The following PLS1 variants were observed in gnomAD, a reference collection of about 807,000 sequenced individuals.
PLS1 encodes the protein plastin-1.
Under a neutral mutation model 73.7 loss-of-function variants are expected in PLS1, and 32 were observed. The ratio of observed to expected loss-of-function variants is 0.43; its 90% CI spans 0.33 to 0.58. PLS1 has a LOEUF of 0.58. PLS1 is among the 20% of genes least tolerant of loss of function. PLS1 has a pLI of 0.04. For missense variants in PLS1, 633 were observed against 740.5 expected (o/e 0.85, Z 1.68); for synonymous variants, 217 against 261.3 (o/e 0.83, Z 1.63).
intron 14 of PLS1, among the ~76,000 whole-genome samples, chr3:142,711,113 C>T (rs964716733): frequency 2.0e-5 from 3 of 152,060 alleles, no homozygotes; most frequent in Admixed American, 2.0e-4. Context: ...ATTTTTCTTT[C>T]TGAAAAATAT....
At chr3:142,603,769 CAA>C (rs5853074) in intron 1 of PLS1, among the ~76,000 whole-genome samples, 30,837 of 140,376 alleles carry the variant, frequency 0.22, 3,905 homozygotes, top group African/African-American at 0.38. Flanking sequence ...AACCCTGCCT[CAA>C]AAAAAAAAAA....
At chr3:142,604,277 C>G (rs1174939161) in intron 1 of PLS1, among the ~76,000 whole-genome samples, 2 of 152,134 alleles carry the variant, frequency 1.3e-5, no homozygotes, top group African/African-American at 4.8e-5. Flanking sequence ...AGTAGAATCT[C>G]TAGGTTGATA....
intron 1 of PLS1, among the ~76,000 whole-genome samples, chr3:142,637,898 C>T (rs1172404171): frequency 6.6e-6 from 1 of 151,728 alleles, no homozygotes; most frequent in Non-Finnish European, 1.5e-5. Context: ...TTTAGAGCTG[C>T]TTTAATGGCC....
Position 142,669,484 on chromosome 3 carries a change from T to C in PLS1, c.165T>C (p.Ile55=), listed in dbSNP as rs200069650. 493 of 1,613,626 alleles carry C rather than the reference T, an allele frequency of 3.1e-4. 1 individual carries two copies. The highest frequency in any genetic ancestry group is 1.5e-3 in the Middle Eastern group (9 of 6,062). ...TGCCTGGCTACAAGGTGCGCGAGAT[T>C]GTGGAGAAAATTCTATCAGTTGCTG... ...LPLPGYKVRE[I]VEKILSVADS... Residue 55 remains isoleucine (I), a synonymous_variant, in exon 3 of 16, where the codon ATT becomes ATC. Transcript: ENST00000457734.
At chr3:142,680,788 A>T (rs116531040) in intron 6 of PLS1, among the ~76,000 whole-genome samples, 157 of 152,306 alleles carry the variant, frequency 1.0e-3, no homozygotes, top group South Asian at 7.7e-3. Flanking sequence ...ATAATAAGGT[A>T]TATACTATGA....
intron 1 of PLS1, among the ~76,000 whole-genome samples, chr3:142,638,297 G>T (rs1448430127): frequency 6.6e-6 from 1 of 152,182 alleles, no homozygotes; most frequent in East Asian, 1.9e-4. Flanking sequence ...TGCACAGCTG[G>T]TAAGATGTAA....
intron 12 of PLS1, among the ~76,000 whole-genome samples, chr3:142,700,235 T>C (rs1372675770): frequency 6.6e-6 from 1 of 152,134 alleles, no homozygotes; most frequent in Admixed American, 6.6e-5. Context: ...CAATAATCAA[T>C]ACATGTCACT....
At chr3:142,676,656 T>C (rs2037732612) in intron 5 of PLS1, among the ~76,000 whole-genome samples, 1 of 152,210 alleles carries the variant, frequency 6.6e-6, no homozygotes, top group African/African-American at 2.4e-5. Context: ...AAAGGGAAGA[T>C]ATTCCTTATT....
rs140962182 is a variant in PLS1, at chr3:142,630,938, AACAC to A, written c.-36-33232_-36-33229del. On this transcript the variant is annotated intron_variant, in intron 1 of 15. Transcript: ENST00000457734. ...GAACAGAATAGAGAGCATGTAAATA[AACAC>A]ACACACACACACACACACACACACA... 4.0e-3 allele frequency among the ~76,000 whole-genome samples: 555 copies of A among 137,436 alleles called. 2 individuals are homozygous for A. The highest frequency in any genetic ancestry group is 0.013 in the African/African-American group (435 of 33,844). 90.2% of individuals were successfully genotyped at this position (137,436 alleles called of 152,430 possible).
intron 1 of PLS1, among the ~76,000 whole-genome samples, chr3:142,642,986 G>T (rs2036872929): frequency 6.6e-6 from 1 of 152,270 alleles, no homozygotes; most frequent in East Asian, 1.9e-4. Flanking sequence ...AGGATTATAG[G>T]CATGAGCCTG....
chr3:142,709,011 T>C (rs754760595), intron 14 of PLS1, among the ~76,000 whole-genome samples: 3 of 152,196 alleles, frequency 2.0e-5, no homozygotes, highest in Non-Finnish European at 2.9e-5. Context: ...AACACAAATA[T>C]GTAAATAAGG....
chr3:142,643,277 T>C (rs1220220455), intron 1 of PLS1, among the ~76,000 whole-genome samples: 1 of 152,194 alleles, frequency 6.6e-6, no homozygotes, highest in Non-Finnish European at 1.5e-5. Flanking sequence ...GGTGGCTCTC[T>C]TGCAGAGAAG....
In PLS1 at chr3:142,711,514, G is replaced by T. The variant is rs752879511; in HGVS notation, c.1643G>T (p.Ser548Ile). Residue 548 changes from serine to isoleucine, a missense_variant, in exon 15 of 16, where the codon AGC (serine) becomes ATC (isoleucine). By Grantham distance (142) the Ser-to-Ile change is moderately radical (BLOSUM62 -2). Coordinates refer to ENST00000457734, the MANE Select transcript of PLS1 (RefSeq NM_001145319.2). ...TTTATTTTCTAGGATAAATCTATAA[G>T]CACAAGTTTACCTGTCCTAGATTTA... ...SISSFKDKSI[S>I]TSLPVLDLID... 1 of 1,587,958 alleles carries T rather than the reference G, an allele frequency of 6.3e-7. No homozygotes were observed.
intron 12 of PLS1, among the ~76,000 whole-genome samples, chr3:142,699,431 C>G (rs968316004): frequency 2.0e-5 from 3 of 152,108 alleles, no homozygotes; most frequent in Non-Finnish European, 4.4e-5. Context: ...GCACTCCAGC[C>G]TGGGTGAGAA....
chr3:142,659,706 T>C (rs1306979316), intron 1 of PLS1, among the ~76,000 whole-genome samples: 1 of 151,952 alleles, frequency 6.6e-6, no homozygotes, highest in East Asian at 1.9e-4. Context: ...TGTTTTGTTT[T>C]GTTTTTTGAG....
chr3:142,663,853 C>T (rs1267617685), intron 1 of PLS1, among the ~76,000 whole-genome samples: 1 of 152,200 alleles, frequency 6.6e-6, no homozygotes, highest in African/African-American at 2.4e-5. Flanking sequence ...TTATGCTGTA[C>T]ATTTATAAAT....
chr3:142,603,158 A>G (rs2035957294), intron 1 of PLS1, among the ~76,000 whole-genome samples: 1 of 152,192 alleles, frequency 6.6e-6, no homozygotes, highest in African/African-American at 2.4e-5. Context: ...GTCACATGAG[A>G]TGTGAGGCTG....
intron 1 of PLS1, among the ~76,000 whole-genome samples, chr3:142,602,809 A>AAGGCCTCTTCTCT (rs2035951400): frequency 6.6e-6 from 1 of 151,810 alleles, no homozygotes; most frequent in South Asian, 2.1e-4. Context: ...CTGTGTTCCC[A>AAGGCCTCTTCTCT]GGATATGAAA....
intron 6 of PLS1, among the ~76,000 whole-genome samples, chr3:142,679,589 T>A (rs1158416597): frequency 1.3e-5 from 2 of 152,156 alleles, no homozygotes; most frequent in Non-Finnish European, 2.9e-5. Flanking sequence ...GTTGTAGATA[T>A]GCGGCGTTAT....
Sources: allele counts gnomAD v4.1 joint callset (sites outside exome capture counted in the v4.1 genomes callset), GRCh38; gene constraint gnomAD v4.1.1; transcripts MANE v1.5; gene names NCBI Gene and HGNC (gene_info 2026-07-23, HGNC 2026-07-21).